Variants in FUT8 observed in about 807,000 individuals in gnomAD.
FUT8 encodes alpha-(1,6)-fucosyltransferase.
A neutral mutation model predicts 71.3 loss-of-function variants in FUT8; 29 were observed. The ratio of observed to expected loss-of-function variants is 0.41; its 90% CI spans 0.30 to 0.55. The LOEUF (loss-of-function observed/expected upper bound fraction) is 0.55. Among genes scored for constraint, FUT8 ranks in the 20% least tolerant of loss-of-function variants. The probability of loss-of-function intolerance (pLI) is 0.34; values close to 1 mark genes in which losing one functional copy is unlikely to be tolerated. For synonymous variants in FUT8, 254 were observed against 239.3 expected, an observed-to-expected ratio of 1.06 and a Z score of -0.57; for missense variants, 544 against 702.1, an observed-to-expected ratio of 0.77 and a Z score of 2.55.
At chr14:65,637,595 A>T (rs950669534) in intron 6 of FUT8, among the ~76,000 whole-genome samples, 4 of 152,100 alleles carry the variant, frequency 2.6e-5, no homozygotes, top group Non-Finnish European at 4.4e-5. Flanking sequence ...AGATTTATTT[A>T]TATTTATTTA....
chr14:65,616,504 G>A (rs1421821607), intron 5 of FUT8, 131 bp downstream of exon 5: 5 of 716,726 alleles, frequency 7.0e-6, no homozygotes. Context: ...GAGGCGAAGA[G>A]TACCTGAGGT....
intron 1 of FUT8, among the ~76,000 whole-genome samples, chr14:65,448,426 G>C (rs773876556): frequency 1.3e-5 from 2 of 152,126 alleles, no homozygotes; most frequent in African/African-American, 2.4e-5. Flanking sequence ...CTAAGATTTA[G>C]AATAATCATA....
chr14:65,485,802 C>G (rs972495365), intron 2 of FUT8, among the ~76,000 whole-genome samples: 2 of 152,182 alleles, frequency 1.3e-5, no homozygotes, highest in African/African-American at 2.4e-5. Flanking sequence ...TTTATCCACG[C>G]ACCTAGCTCC....
chr14:65,658,670 A>G (rs1750370332), intron 6 of FUT8, among the ~76,000 whole-genome samples: 1 of 152,148 alleles, frequency 6.6e-6, no homozygotes, highest in Non-Finnish European at 1.5e-5. Flanking sequence ...AAGATTAACT[A>G]CTATCTAATT....
chr14:65,650,112 C>T (rs1201435961), intron 6 of FUT8, among the ~76,000 whole-genome samples: 5 of 149,978 alleles, frequency 3.3e-5, no homozygotes, highest in African/African-American at 9.7e-5. Context: ...CTCGCTAACA[C>T]AGTGAAACCC....
At position 65,421,749 on chromosome 14, in the gene FUT8, T is replaced by C. The variant is rs948239785; in HGVS notation, c.-326+8535T>C. 9.0e-3 allele frequency among the ~76,000 whole-genome samples: 278 copies of C among 30,928 alleles called. 1 individual carries two copies. The highest frequency in any genetic ancestry group is 0.032 in the East Asian group (12 of 378). The allele number at this position is 30,928 out of a possible 152,430, so 20.3% of individuals were successfully genotyped here. A position where few individuals can be genotyped will look rare whatever the true frequency, so the allele number is the denominator to read the frequency against. ...GAAACCCTTTAACCCACCCCCCCCT[T>C]TTTTTTTTTTTGCCATATCCACAGT... On this transcript the variant is annotated intron_variant, in intron 1 of 10. Coordinates refer to ENST00000673929, the MANE Select transcript of FUT8 (RefSeq NM_001371533.1).
At chr14:65,462,916 T>C (rs1250308092) in intron 2 of FUT8, among the ~76,000 whole-genome samples, 1 of 152,218 alleles carries the variant, frequency 6.6e-6, no homozygotes, top group African/African-American at 2.4e-5. Context: ...CAAAACCATA[T>C]ACCAGGGGGA....
At chr14:65,647,930 G>A (rs1303247882) in intron 6 of FUT8, among the ~76,000 whole-genome samples, 1 of 151,756 alleles carries the variant, frequency 6.6e-6, no homozygotes, top group African/African-American at 2.4e-5. Context: ...ATACAAAATG[G>A]AACAAGACCT....
At position 65,669,248 on chromosome 14, in the gene FUT8, C is replaced by T. The variant is rs199732651; in HGVS notation, c.603C>T (p.Pro201=). 404 of 1,612,560 alleles carry T rather than the reference C, an allele frequency of 2.5e-4. 1 individual carries two copies. The East Asian group carries it at 8.9e-3, about 36-fold the overall frequency. Residue 201 remains proline, a synonymous_variant, in exon 7 of 11, where the codon CCC becomes CCT. Coordinates refer to ENST00000673929, the MANE Select transcript of FUT8 (RefSeq NM_001371533.1). The surrounding 1 kb of genome is among the most constrained non-coding windows in gnomAD (Gnocchi z 4.5). ...VQRRITYLQN[P]KDCSKAKKLV... Reference sequence around the variant, plus strand: ...TTTCTCTTTCTCCCTGACAGAATCCCAAGGACTGCAGCAAAGCCAAAAAGC... The same window carrying T: ...TTTCTCTTTCTCCCTGACAGAATCCTAAGGACTGCAGCAAAGCCAAAAAGC...
At chr14:65,404,659 G>C in the FUT8 span, among the ~76,000 whole-genome samples, 18,830 of 151,796 alleles carry the variant, frequency 0.12, 1,490 homozygotes, top group East Asian at 0.38. Flanking sequence ...TATTTTAGTA[G>C]AGACGGGGTT....
intron 3 of FUT8, among the ~76,000 whole-genome samples, chr14:65,583,218 C>G (rs1466385621): frequency 6.6e-6 from 1 of 151,704 alleles, no homozygotes; most frequent in Non-Finnish European, 1.5e-5. Context: ...ACTCTGTTAC[C>G]CAGGCTGAGT....
intron 3 of FUT8, among the ~76,000 whole-genome samples, chr14:65,563,330 A>G (rs1886016418): frequency 6.6e-6 from 1 of 152,084 alleles, no homozygotes; most frequent in Admixed American, 6.6e-5. Flanking sequence ...ACTGAATTTC[A>G]CACTATCTTT....
intron 9 of FUT8, among the ~76,000 whole-genome samples, chr14:65,725,626 T>C (rs1462594233): frequency 6.6e-6 from 1 of 152,212 alleles, no homozygotes; most frequent in African/African-American, 2.4e-5. Context: ...TCTGTTGTAG[T>C]GTTTAGCACT....
chr14:65,738,878 G>A lies in FUT8; in HGVS notation c.1411-3215G>A, dbSNP rs566507091. Among the ~76,000 whole-genome samples, 434 of 152,052 alleles carry A rather than the reference G, an allele frequency of 2.9e-3. 6 individuals are homozygous for A. Among genetic ancestry groups the A allele is most frequent in the Middle Eastern group, 0.01 (3 of 294 alleles). On this transcript the variant is annotated intron_variant, in intron 10 of 10. Coordinates refer to ENST00000673929, the MANE Select transcript of FUT8 (RefSeq NM_001371533.1). ...CCCATGGACTTGTGTCTCCATTACT[G>A]GGCTGGTATTATGCCTGGAGCAATA...
At chr14:65,501,628 A>G (rs959135770) in intron 2 of FUT8, among the ~76,000 whole-genome samples, 1 of 152,208 alleles carries the variant, frequency 6.6e-6, no homozygotes, top group African/African-American at 2.4e-5. Context: ...AGTAGTTTTC[A>G]GAGTTTTATT....
chr14:65,530,178 C>T (rs979176713), intron 2 of FUT8, among the ~76,000 whole-genome samples: 1 of 151,962 alleles, frequency 6.6e-6, no homozygotes, highest in African/African-American at 2.4e-5. Context: ...GTATTATGAC[C>T]TCTTGTGTTT....
chr14:65,499,893 G>A (rs1300788310), intron 2 of FUT8, among the ~76,000 whole-genome samples: 2 of 151,474 alleles, frequency 1.3e-5, no homozygotes, highest in African/African-American at 4.9e-5. Context: ...CTCTAAAATA[G>A]TCTTCTTAGT....
intron 9 of FUT8, among the ~76,000 whole-genome samples, chr14:65,725,713 TATTAA>T (rs1036550392): frequency 3.3e-5 from 5 of 152,232 alleles, no homozygotes; most frequent in African/African-American, 1.2e-4. Context: ...GCCCAGTAAA[TATTAA>T]ATGGTATTGA....
At chr14:65,525,414 C>T (rs530546820) in intron 2 of FUT8, among the ~76,000 whole-genome samples, 1 of 152,298 alleles carries the variant, frequency 6.6e-6, no homozygotes, top group East Asian at 1.9e-4. Flanking sequence ...ATGATATCCC[C>T]TTTATCATTT....
Sources: allele counts gnomAD v4.1 joint callset (sites outside exome capture counted in the v4.1 genomes callset), GRCh38; gene constraint gnomAD v4.1.1; non-coding constraint Gnocchi (gnomAD v3.1); transcripts MANE v1.5; gene names NCBI Gene and HGNC (gene_info 2026-07-23, HGNC 2026-07-21).